Variants in SLC26A5 observed in about 807,000 individuals in gnomAD.
The protein encoded by SLC26A5 is solute carrier family 26 member 5.
SLC26A5 carries 51 observed loss-of-function variants against 81.0 expected under a neutral mutation model. The ratio of observed to expected loss-of-function variants is 0.63; its 90% CI spans 0.50 to 0.80. The LOEUF (loss-of-function observed/expected upper bound fraction) is 0.80, where lower values mean the gene tolerates loss of function less well. Ranked by LOEUF, SLC26A5 falls within the 30% of genes least tolerant of loss-of-function variation. The pLI, the probability that SLC26A5 is intolerant of heterozygous loss-of-function variation, is 0.00. For synonymous variants in SLC26A5, 325 were observed against 332.8 expected (o/e 0.98, Z 0.25); for missense variants, 771 against 905.8 (o/e 0.85, Z 1.91).
At position 103,378,564 on chromosome 7, in the gene SLC26A5, G is replaced by C; in HGVS notation, c.1678-11C>G. On this transcript the variant is annotated splice_polypyrimidine_tract_variant and intron_variant, in intron 16 of 19. Coordinates refer to ENST00000306312, the MANE Select transcript of SLC26A5 (RefSeq NM_198999.3). ...TGGGTTCACTCCAGTCTTTACAGAA[G>C]AGCACCATATGCAAAATCACTTCAT... 6.2e-7 allele frequency: 1 copy of C among 1,612,704 alleles called. No individual in the cohort carries two copies. Among genetic ancestry groups the C allele is most frequent in the South Asian group, 1.1e-5 (1 of 91,056 alleles).
intron 14 of SLC26A5, among the ~76,000 whole-genome samples, chr7:103,381,290 C>T (rs796761909): frequency 3.6e-4 from 55 of 151,466 alleles, no homozygotes; most frequent in African/African-American, 1.3e-3. Context: ...CACACATACA[C>T]AATACACACA....
intron 16 of SLC26A5, 99 bp from the exon 17 acceptor site, chr7:103,378,652 G>T: frequency 1.9e-6 from 2 of 1,063,908 alleles, no homozygotes; most frequent in Non-Finnish European, 1.5e-6. Flanking sequence ...CTGCTTTCTG[G>T]GTCAGATTAT....
At chr7:103,362,497 T>G (rs1820467467) in intron 19 of SLC26A5, 1 of 1,413,910 alleles carries the variant, frequency 7.1e-7, no homozygotes, top group Admixed American at 3.1e-5. Flanking sequence ...TTGGATAGGT[T>G]GTTTGCGACA....
At chr7:103,390,165 T>C (rs1162426912) in intron 12 of SLC26A5, among the ~76,000 whole-genome samples, 2 of 152,074 alleles carry the variant, frequency 1.3e-5, no homozygotes, top group Non-Finnish European at 2.9e-5. Context: ...AGAGAAGGGA[T>C]GTTCAAGATC....
rs576920400 is a variant in SLC26A5 at position 103,384,548 on chromosome 7, T to TG, written c.1515-4000dup. Among the ~76,000 whole-genome samples, 29 of 151,614 alleles carry TG rather than the reference T, an allele frequency of 1.9e-4. No homozygotes were observed. In the South Asian group the frequency reaches 5.4e-3, roughly 28 times the overall value. The stretch of plus-strand genomic sequence containing the variant: ...CAGAGAACTGCTTGAACCCAGGAGG[T>TG]GGAGGTTGCAGTGAGCTGAGATCAT... On this transcript the variant is annotated intron_variant, in intron 14 of 19. Coordinates refer to ENST00000306312, the MANE Select transcript of SLC26A5 (RefSeq NM_198999.3).
intron 8 of SLC26A5, 135 bp from the exon 9 acceptor site, chr7:103,398,149 A>G (rs922269089): frequency 2.7e-5 from 20 of 745,192 alleles, no homozygotes; most frequent in Admixed American, 1.6e-4. Context: ...AAGATTTACC[A>G]TTAGCTTCAA....
At chr7:103,430,409 T>C (rs1042830051) in intron 2 of SLC26A5, among the ~76,000 whole-genome samples, 1 of 152,190 alleles carries the variant, frequency 6.6e-6, no homozygotes, top group Non-Finnish European at 1.5e-5. Context: ...TCATGTTTTT[T>C]TGCAAGATAT....
intron 8 of SLC26A5, among the ~76,000 whole-genome samples, chr7:103,399,206 T>A (rs79996484): frequency 0.024 from 3,572 of 151,876 alleles, 128 homozygotes; most frequent in African/African-American, 0.082. Context: ...CATGGAAGAG[T>A]CTTTAAAGGG....
chr7:103,419,480 C>G (rs889313986), intron 4 of SLC26A5, among the ~76,000 whole-genome samples: 3 of 151,984 alleles, frequency 2.0e-5, no homozygotes, highest in Non-Finnish European at 4.4e-5. Context: ...GCCTGAAATG[C>G]ATTTTCTCTC....
At chr7:103,386,773 C>CT (rs906913777) in intron 14 of SLC26A5, among the ~76,000 whole-genome samples, 1 of 150,038 alleles carries the variant, frequency 6.7e-6, no homozygotes, top group African/African-American at 2.4e-5. Flanking sequence ...TTTTCTTTTT[C>CT]TTTTTTTTGA....
intron 19 of SLC26A5, among the ~76,000 whole-genome samples, chr7:103,359,463 C>G (rs919012986): frequency 1.3e-5 from 2 of 152,040 alleles, no homozygotes; most frequent in African/African-American, 2.4e-5. Flanking sequence ...ACCCCAAAAA[C>G]AAACCCAATA....
intron 19 of SLC26A5, among the ~76,000 whole-genome samples, chr7:103,358,166 A>C (rs1357471433): frequency 1.3e-5 from 2 of 152,178 alleles, no homozygotes; most frequent in Non-Finnish European, 2.9e-5. Context: ...TCCCTTCAAA[A>C]TTTTGAAGGC....
chr7:103,384,973 C>A (rs535936636), intron 14 of SLC26A5, among the ~76,000 whole-genome samples: 2 of 152,170 alleles, frequency 1.3e-5, no homozygotes, highest in Non-Finnish European at 2.9e-5. Flanking sequence ...TAGAGTCTAG[C>A]ATCTCCCTGG....
chr7:103,411,135 G>A (rs996603224), intron 6 of SLC26A5, among the ~76,000 whole-genome samples: 8 of 152,092 alleles, frequency 5.3e-5, no homozygotes, highest in African/African-American at 1.9e-4. Flanking sequence ...ATGATCACTG[G>A]CTGTTTCTTC....
At chr7:103,412,553 G>GTTTTTTTTTTT (rs565602326) in intron 5 of SLC26A5, among the ~76,000 whole-genome samples, 6 of 114,392 alleles carry the variant, frequency 5.2e-5, no homozygotes, top group South Asian at 2.8e-4. Flanking sequence ...TTTTTTTTTT[G>GTTTTTTTTTTT]TTTTTTTTTT....
chr7:103,444,108 G>A (rs762148109), intron 1 of SLC26A5, among the ~76,000 whole-genome samples: 1 of 152,174 alleles, frequency 6.6e-6, no homozygotes, highest in African/African-American at 2.4e-5. Context: ...GTCTTCAAAA[G>A]AAGGATTAAA....
chr7:103,418,473 G>A (rs1825092755), intron 4 of SLC26A5, among the ~76,000 whole-genome samples: 1 of 152,106 alleles, frequency 6.6e-6, no homozygotes, highest in Non-Finnish European at 1.5e-5. Flanking sequence ...TCCTGTTTCA[G>A]ATACTGGGCC....
intron 14 of SLC26A5, among the ~76,000 whole-genome samples, chr7:103,381,458 A>C (rs1374010227): frequency 6.6e-6 from 1 of 150,880 alleles, no homozygotes; most frequent in Non-Finnish European, 1.5e-5. Flanking sequence ...ATCACACCAC[A>C]TACCATGCAT....
chr7:103,436,927 CA>C (rs959863924), intron 2 of SLC26A5, among the ~76,000 whole-genome samples: 3 of 151,998 alleles, frequency 2.0e-5, no homozygotes, highest in Admixed American at 2.0e-4. Context: ...ACAACAAAAG[CA>C]AAAACAGACA....
Sources: allele counts gnomAD v4.1 joint callset (sites outside exome capture counted in the v4.1 genomes callset), GRCh38; gene constraint gnomAD v4.1.1; transcripts MANE v1.5; gene names NCBI Gene and HGNC (gene_info 2026-07-23, HGNC 2026-07-21).